The following VCAN variants were observed in gnomAD, a reference collection of about 807,000 sequenced individuals.
VCAN encodes versican, also known as versican core protein.
Under a neutral mutation model 245.5 loss-of-function variants are expected in VCAN, and 44 were observed. That is an observed-to-expected ratio of 0.18 (90% CI 0.14 to 0.23). VCAN has a LOEUF of 0.23. Ranked by LOEUF, VCAN falls within the 10% of genes least tolerant of loss-of-function variation. The probability of loss-of-function intolerance (pLI) is 1.00; values close to 1 mark genes in which losing one functional copy is unlikely to be tolerated. For missense variants in VCAN, 3,793 were observed against 4,057.9 expected (o/e 0.93, Z 1.77); for synonymous variants, 1,413 against 1,437.0 (o/e 0.98, Z 0.38).
chr5:83,541,379 A>G lies in VCAN; in HGVS notation c.8376A>G (p.Val2792=). Reference sequence around the variant, plus strand: ...CTACCCACCTTATGGATCAGAGTGTAACAGAGGTGCCTGATGTGATGGAAG... The same window carrying G: ...CTACCCACCTTATGGATCAGAGTGTGACAGAGGTGCCTGATGTGATGGAAG... ...IATTHLMDQS[V]TEVPDVMEGS... Residue 2792 remains valine, a synonymous_variant, in exon 8 of 15, where the codon GTA becomes GTG. Transcript: ENST00000265077. The G allele has an allele frequency of 6.2e-7, 1 of 1,614,128 alleles. No homozygotes were observed. Among genetic ancestry groups the G allele is most frequent in the Non-Finnish European group, 8.5e-7 (1 of 1,179,994 alleles).
chr5:83,557,142 C>T lies in VCAN; in HGVS notation c.9735+2104C>T, dbSNP rs142071412. ...GTCTGGGTTCCTGTAGATTCCAGCC[C>T]TGAGCCTAGAATAGCTGCATTTGGC... On this transcript the variant is annotated intron_variant, in intron 12 of 14. Transcript: ENST00000265077. 9.2e-5 allele frequency among the ~76,000 whole-genome samples: 14 copies of T among 152,176 alleles called. No homozygotes were observed. The East Asian group carries it at 2.7e-3, about 29-fold the overall frequency.
intron 12 of VCAN, among the ~76,000 whole-genome samples, chr5:83,572,047 CAAT>C (rs1409703586): frequency 1.3e-5 from 2 of 151,984 alleles, no homozygotes; most frequent in Admixed American, 1.3e-4. Flanking sequence ...TAGAAGAAAA[CAAT>C]GATTAGAGTG....
intron 1 of VCAN, among the ~76,000 whole-genome samples, chr5:83,481,972 A>C (rs953012209): frequency 6.6e-6 from 1 of 152,200 alleles, no homozygotes; most frequent in African/African-American, 2.4e-5. Context: ...TTTTCCAATG[A>C]AGTTTTTCAG....
intron 10 of VCAN, among the ~76,000 whole-genome samples, chr5:83,552,833 A>C (rs1291736352): frequency 1.3e-5 from 2 of 152,204 alleles, no homozygotes; most frequent in African/African-American, 4.8e-5. Context: ...GTACCTATTC[A>C]TAAAGGATTT....
At chr5:83,483,709 A>G (rs1484611161) in intron 2 of VCAN, 121 bp downstream of exon 2, 1 of 925,602 alleles carries the variant, frequency 1.1e-6, no homozygotes, top group Non-Finnish European at 1.7e-6. Context: ...TTAAGTGCTG[A>G]AAACTATCAG....
chr5:83,526,311 G>T (rs1462163433), intron 7 of VCAN, among the ~76,000 whole-genome samples: 1 of 152,088 alleles, frequency 6.6e-6, no homozygotes, highest in Admixed American at 6.6e-5. Context: ...CACATTTTCT[G>T]TTCTTACAGA....
chr5:83,535,420 A>G (rs190350527), intron 7 of VCAN, among the ~76,000 whole-genome samples: 3 of 152,280 alleles, frequency 2.0e-5, no homozygotes, highest in Middle Eastern at 3.4e-3. Flanking sequence ...TTCTATTAGA[A>G]TAAAAGGGAT....
rs533258094 is a variant in VCAN, at chr5:83,568,113, C to T, written c.9736-4303C>T. ...TTTAACTTTAGTGAAAAGAAAAGTA[C>T]GTTATTGAAGCTAAAGTTAATTTTT... On this transcript the variant is annotated intron_variant, in intron 12 of 14. Transcript: ENST00000265077. Among the ~76,000 whole-genome samples, 12 of 142,564 alleles carry T rather than the reference C, an allele frequency of 8.4e-5. No individual in the cohort carries two copies. In the South Asian group the frequency reaches 8.7e-4, roughly 10 times the overall value. 93.5% of individuals were successfully genotyped at this position (142,564 alleles called of 152,430 possible).
chr5:83,484,502 T>C (rs1744725946), intron 2 of VCAN, among the ~76,000 whole-genome samples: 1 of 139,238 alleles, frequency 7.2e-6, no homozygotes, highest in Non-Finnish European at 1.5e-5. Context: ...CATCCATCCA[T>C]CCATCCTTCC....
At chr5:83,510,344 A>G (rs1205444327) in intron 5 of VCAN, among the ~76,000 whole-genome samples, 1 of 152,216 alleles carries the variant, frequency 6.6e-6, no homozygotes, top group African/African-American at 2.4e-5. Flanking sequence ...TTATAGTGCT[A>G]TCACCCACTC....
intron 3 of VCAN, among the ~76,000 whole-genome samples, chr5:83,492,132 G>T (rs13167610): frequency 1.3e-5 from 2 of 151,854 alleles, no homozygotes; most frequent in Admixed American, 1.3e-4. Context: ...GTCTTTTTGC[G>T]TTGGCACTGA....
At chr5:83,574,547 T>C (rs1328533791) in intron 13 of VCAN, among the ~76,000 whole-genome samples, 1 of 152,186 alleles carries the variant, frequency 6.6e-6, no homozygotes, top group Non-Finnish European at 1.5e-5. Flanking sequence ...TATTTCAGAA[T>C]TATGATTTTG....
chr5:83,554,927 A>G, intron 11 of VCAN, 29 bp from the exon 12 acceptor site: 1 of 1,601,732 alleles, frequency 6.2e-7, no homozygotes, highest in South Asian at 1.1e-5. Flanking sequence ...AAAGTAGTAC[A>G]AATATCTGTG....
chr5:83,577,388 C>T (rs958986557), intron 13 of VCAN, among the ~76,000 whole-genome samples: 7 of 152,250 alleles, frequency 4.6e-5, no homozygotes, highest in African/African-American at 1.4e-4. Flanking sequence ...TTTTGTAAAT[C>T]GTAGCCAATG....
chr5:83,544,864 A>G (rs974671627), intron 8 of VCAN: 1 of 152,294 alleles, frequency 6.6e-6, no homozygotes, highest in African/African-American at 2.4e-5. Flanking sequence ...TAAGAAAATT[A>G]TAATAAAAAC....
chr5:83,567,266 A>C (rs1748117599), intron 12 of VCAN, among the ~76,000 whole-genome samples: 1 of 151,788 alleles, frequency 6.6e-6, no homozygotes. Context: ...TTTACATCTG[A>C]GTTGGCTTTC....
intron 12 of VCAN, among the ~76,000 whole-genome samples, chr5:83,561,782 C>G (rs890139554): frequency 1.3e-5 from 2 of 152,134 alleles, no homozygotes; most frequent in African/African-American, 4.8e-5. Flanking sequence ...AATCACGGAC[C>G]ATAAACCATT....
chr5:83,506,558 C>A (rs950212549), intron 5 of VCAN, among the ~76,000 whole-genome samples: 3 of 152,084 alleles, frequency 2.0e-5, no homozygotes, highest in Admixed American at 2.0e-4. Context: ...ATTCAACAAG[C>A]CTCTAGGAAG....
chr5:83,489,628 T>C (rs193118206), intron 2 of VCAN, among the ~76,000 whole-genome samples: 1 of 152,336 alleles, frequency 6.6e-6, no homozygotes, highest in African/African-American at 2.4e-5. Flanking sequence ...CTTTGAATTT[T>C]GTTTTCATTT....
Sources: allele counts gnomAD v4.1 joint callset (sites outside exome capture counted in the v4.1 genomes callset), GRCh38; gene constraint gnomAD v4.1.1; transcripts MANE v1.5; gene names NCBI Gene and HGNC (gene_info 2026-07-23, HGNC 2026-07-21).